The following SLC7A14 variants were observed in gnomAD, a reference collection of about 807,000 sequenced individuals.
The protein encoded by SLC7A14 is solute carrier family 7 member 14, also known as gamma-aminobutyric acid transporter SLC7A14.
A neutral mutation model predicts 60.2 loss-of-function variants in SLC7A14; 37 were observed. The observed-to-expected ratio is 0.61, with a 90% CI of 0.47 to 0.81. The LOEUF (loss-of-function observed/expected upper bound fraction) is 0.81. Ranked by LOEUF, SLC7A14 falls within the 30% of genes least tolerant of loss-of-function variation. SLC7A14 has a pLI of 0.00. For synonymous variants in SLC7A14, 399 were observed against 395.8 expected (o/e 1.01, Z -0.10); for missense variants, 886 against 982.7 (o/e 0.90, Z 1.32).
At chr3:170,566,977 T>C (rs980210950) in intron 1 of SLC7A14, among the ~76,000 whole-genome samples, 3 of 151,958 alleles carry the variant, frequency 2.0e-5, no homozygotes, top group African/African-American at 7.2e-5. Context: ...ACAACTGATA[T>C]TGTCCTACTT....
intron 1 of SLC7A14, among the ~76,000 whole-genome samples, chr3:170,550,244 A>T (rs891404865): frequency 6.6e-6 from 1 of 152,224 alleles, no homozygotes; most frequent in Non-Finnish European, 1.5e-5. Context: ...AATATAGTGC[A>T]CTTACTATAA....
Position 170,466,925 on chromosome 3 carries a change from A to G in SLC7A14, c.*130T>C. ...GAGCAAAAGTAGCAAATGACAGGCT[A>G]TGACTAGGGATTGAATTTGGGGAAG... On this transcript the variant is annotated 3_prime_UTR_variant, in exon 8 of 8. Coordinates refer to ENST00000231706, the MANE Select transcript of SLC7A14 (RefSeq NM_020949.3). The G allele has an allele frequency of 1.3e-6, 1 of 769,618 alleles. No individual in the cohort carries two copies. The highest frequency in any genetic ancestry group is 2.1e-6 in the Non-Finnish European group (1 of 472,672). 47.7% of individuals were successfully genotyped at this position (769,618 alleles called of 1,614,324 possible).
intron 1 of SLC7A14, among the ~76,000 whole-genome samples, chr3:170,527,839 T>A (rs1445132886): frequency 6.6e-6 from 1 of 152,214 alleles, no homozygotes; most frequent in African/African-American, 2.4e-5. Context: ...GATCTGAGCC[T>A]GTCAACTCAC....
chr3:170,520,172 C>T (rs1713300422), intron 2 of SLC7A14, among the ~76,000 whole-genome samples: 1 of 152,242 alleles, frequency 6.6e-6, no homozygotes, highest in Non-Finnish European at 1.5e-5. Flanking sequence ...TACGCTGTCA[C>T]CTCTTAAGCA....
chr3:170,530,626 A>C (rs1387337599), intron 1 of SLC7A14, among the ~76,000 whole-genome samples: 1 of 152,194 alleles, frequency 6.6e-6, no homozygotes, highest in Non-Finnish European at 1.5e-5. Context: ...GAGATGACTT[A>C]CTTTCTAAAA....
At chr3:170,507,418 C>A (rs561072114) in intron 2 of SLC7A14, among the ~76,000 whole-genome samples, 1 of 152,080 alleles carries the variant, frequency 6.6e-6, no homozygotes, top group Non-Finnish European at 1.5e-5. Context: ...GAGCTCAGTG[C>A]GGTGAGCGTG....
In SLC7A14 at chr3:170,465,400, T is replaced by C. The variant is rs1306577037; in HGVS notation, c.*1655A>G. ...CCCCCAAGGGCAAGTGCCATGCTTC[T>C]ATTCATTCCTGTCACTTAGCATTGG... is the stretch of plus-strand genomic sequence containing the variant. On this transcript the variant is annotated 3_prime_UTR_variant, in exon 8 of 8. Coordinates refer to ENST00000231706, the MANE Select transcript of SLC7A14 (RefSeq NM_020949.3). 3 of 152,268 alleles carry C rather than the reference T, an allele frequency of 2.0e-5. No individual in the cohort carries two copies. The highest frequency in any genetic ancestry group is 4.4e-5 in the Non-Finnish European group (3 of 68,048). The allele number at this position is 152,268 out of a possible 1,614,324, so 9.4% of individuals were successfully genotyped here.
At chr3:170,546,913 C>G (rs1448844884) in intron 1 of SLC7A14, among the ~76,000 whole-genome samples, 1 of 152,190 alleles carries the variant, frequency 6.6e-6, no homozygotes. Context: ...TCTCCAAGGG[C>G]TCACAGCCCT....
Position 170,535,245 on chromosome 3 carries a change from T to C in SLC7A14, c.-152-8157A>G, listed in dbSNP as rs1713805039. ...CATGTGTTATTCATTGTATATAAGATAATATTAACAAAACCAGAGTTCAGG... is the reference window on the plus strand; with the variant it reads ...CATGTGTTATTCATTGTATATAAGACAATATTAACAAAACCAGAGTTCAGG... On this transcript the variant is annotated intron_variant, in intron 1 of 7. Transcript: ENST00000231706. This position sits in a 1 kb window ranked among gnomAD's most constrained non-coding sequence, Gnocchi z 4.3. Among the ~76,000 whole-genome samples the C allele has an allele frequency of 6.6e-6, 1 of 151,936 alleles. No individual in the cohort carries two copies. Among genetic ancestry groups the C allele is most frequent in the Non-Finnish European group, 1.5e-5 (1 of 68,006 alleles).
intron 1 of SLC7A14, among the ~76,000 whole-genome samples, chr3:170,569,435 G>A (rs1006913110): frequency 1.1e-4 from 16 of 151,950 alleles, no homozygotes; most frequent in Non-Finnish European, 2.1e-4. Context: ...GAGGATTTTG[G>A]CATCAGCGTT....
chr3:170,521,387 TAATTAG>T (rs1251877699), intron 2 of SLC7A14, among the ~76,000 whole-genome samples: 2 of 152,252 alleles, frequency 1.3e-5, no homozygotes, highest in African/African-American at 2.4e-5. Context: ...GGTGCAAAAG[TAATTAG>T]AATTAGAATT....
chr3:170,478,089 A>T (rs59417454), intron 7 of SLC7A14, among the ~76,000 whole-genome samples: 12 of 152,104 alleles, frequency 7.9e-5, no homozygotes, highest in Admixed American at 2.6e-4. Flanking sequence ...TTTTAAAAAA[A>T]TTTTTTGAAA....
intron 1 of SLC7A14, among the ~76,000 whole-genome samples, chr3:170,547,568 G>A (rs983094168): frequency 6.6e-6 from 1 of 152,084 alleles, no homozygotes; most frequent in South Asian, 2.1e-4. Flanking sequence ...TTTCTATTCA[G>A]TGAAAGTGGA....
At chr3:170,492,925 C>G (rs948686084) in intron 4 of SLC7A14, among the ~76,000 whole-genome samples, 1 of 152,142 alleles carries the variant, frequency 6.6e-6, no homozygotes, top group East Asian at 1.9e-4. Context: ...AGCAGCCTGT[C>G]CCCAGTGACA....
At chr3:170,581,014 A>G (rs1560287209) in intron 1 of SLC7A14, among the ~76,000 whole-genome samples, 1 of 152,190 alleles carries the variant, frequency 6.6e-6, no homozygotes, top group African/African-American at 2.4e-5. Flanking sequence ...TAGGTCATAG[A>G]TGCCAGGTTT....
intron 1 of SLC7A14, among the ~76,000 whole-genome samples, chr3:170,560,350 A>G (rs1327812073): frequency 6.6e-6 from 1 of 152,208 alleles, no homozygotes; most frequent in African/African-American, 2.4e-5. Flanking sequence ...CGATTAGAAC[A>G]AAAGATTAGT....
At chr3:170,555,170 A>AG (rs1287268921) in intron 1 of SLC7A14, among the ~76,000 whole-genome samples, 7 of 150,824 alleles carry the variant, frequency 4.6e-5, no homozygotes, top group Non-Finnish European at 1.0e-4. Flanking sequence ...TTTGTCTCAA[A>AG]AAAAATATAT....
In SLC7A14 at chr3:170,464,555, T is replaced by C. The variant is rs1332714670; in HGVS notation, c.*2500A>G. ...GAAAATACTTTTTCTATCTTAGTGA[T>C]TTTTTTTTTAAAACTAAGGTTGCTA... On this transcript the variant is annotated 3_prime_UTR_variant, in exon 8 of 8. Transcript: ENST00000231706. 6.9e-6 allele frequency: 1 copy of C among 144,350 alleles called. No individual in the cohort carries two copies. The highest frequency in any genetic ancestry group is 1.5e-5 in the Non-Finnish European group (1 of 67,410). The allele number at this position is 144,350 out of a possible 1,614,324, so 8.9% of individuals were successfully genotyped here. A position where few individuals can be genotyped will look rare whatever the true frequency, so the allele number is the denominator to read the frequency against.
Position 170,535,595 on chromosome 3 carries a change from C to G in SLC7A14, c.-152-8507G>C, listed in dbSNP as rs1347560183. Among the ~76,000 whole-genome samples the G allele has an allele frequency of 6.6e-6, 1 of 152,130 alleles. No homozygotes were observed. Among genetic ancestry groups the G allele is most frequent in the Non-Finnish European group, 1.5e-5 (1 of 68,028 alleles). Reference sequence around the variant, plus strand: ...GTGTCCTGGGGAGCTGACATGCTCCCTTGCCCTCTGGTTGGATTGGTCAAT... The same window carrying G: ...GTGTCCTGGGGAGCTGACATGCTCCGTTGCCCTCTGGTTGGATTGGTCAAT... On this transcript the variant is annotated intron_variant, in intron 1 of 7. Coordinates refer to ENST00000231706, the MANE Select transcript of SLC7A14 (RefSeq NM_020949.3). This position sits in a 1 kb window ranked among gnomAD's most constrained non-coding sequence, Gnocchi z 4.3.
Sources: gnomAD v4.1 joint callset for allele counts (sites outside exome capture counted in the v4.1 genomes callset) on GRCh38, gnomAD v4.1.1 for gene constraint, Gnocchi (gnomAD v3.1) non-coding constraint, MANE v1.5 for transcripts, NCBI Gene and HGNC (gene_info 2026-07-23, HGNC 2026-07-21) for gene names.